ZNF146: variants seen among roughly 807,000 people sequenced by gnomAD.
ZNF146 encodes zinc finger protein 146.
ZNF146 carries 9 observed loss-of-function variants against 22.2 expected under a neutral mutation model. That is an observed-to-expected ratio of 0.41 (90% CI 0.24 to 0.71). The LOEUF (loss-of-function observed/expected upper bound fraction) is 0.71. ZNF146 is among the 30% of genes least tolerant of loss of function. The pLI is 0.34. For synonymous variants in ZNF146, 108 were observed against 119.2 expected (o/e 0.91, Z 0.61); for missense variants, 194 against 344.8 (o/e 0.56, Z 3.46).
At chr19:36,234,183 A>C (rs1042235170) in intron 3 of ZNF146, among the ~76,000 whole-genome samples, 3 of 152,078 alleles carry the variant, frequency 2.0e-5, no homozygotes, top group African/African-American at 7.2e-5. Flanking sequence ...CACATGTTTC[A>C]GTGAGCACAG....
intron 2 of ZNF146, among the ~76,000 whole-genome samples, chr19:36,221,450 G>A (rs987790402): frequency 3.3e-5 from 5 of 151,684 alleles, no homozygotes; most frequent in Non-Finnish European, 5.9e-5. Context: ...CACCACGCCC[G>A]GCTAATTTTT....
intron 2 of ZNF146, among the ~76,000 whole-genome samples, chr19:36,219,947 C>G (rs1461232030): frequency 6.6e-6 from 1 of 151,962 alleles, no homozygotes; most frequent in Non-Finnish European, 1.5e-5. Context: ...CTGGCTTTTT[C>G]TTTCTTAAAC....
chr19:36,226,611 A>G (rs1051567990), intron 2 of ZNF146, among the ~76,000 whole-genome samples: 1 of 152,174 alleles, frequency 6.6e-6, no homozygotes, highest in African/African-American at 2.4e-5. Context: ...AGTTGTGGAC[A>G]TGCTTCCTTT....
intron 3 of ZNF146, among the ~76,000 whole-genome samples, chr19:36,231,891 C>T (rs1449416031): frequency 6.8e-6 from 1 of 147,644 alleles, no homozygotes; most frequent in Non-Finnish European, 1.5e-5. Context: ...CGTGTTGAGA[C>T]CCCGTATCTT....
chr19:36,215,831 A>T (rs1976580069), intron 1 of ZNF146, among the ~76,000 whole-genome samples: 1 of 152,168 alleles, frequency 6.6e-6, no homozygotes, highest in Non-Finnish European at 1.5e-5. Flanking sequence ...GGCGCCCAGG[A>T]TGAGGGAGTC....
chr19:36,227,660 T>A (rs989345166), intron 2 of ZNF146, among the ~76,000 whole-genome samples: 2 of 152,096 alleles, frequency 1.3e-5, no homozygotes, highest in Non-Finnish European at 2.9e-5. Flanking sequence ...GCTCAAGTCA[T>A]CCTCCCACCT....
chr19:36,232,135 G>A (rs1204849785), intron 3 of ZNF146, among the ~76,000 whole-genome samples: 6 of 150,796 alleles, frequency 4.0e-5, no homozygotes, highest in Admixed American at 6.6e-5. Context: ...CCTGGGAGGC[G>A]GAGGTTGCAG....
chr19:36,228,383 G>T (rs1331615106), intron 2 of ZNF146: 1 of 152,318 alleles, frequency 6.6e-6, no homozygotes, highest in South Asian at 2.1e-4. Context: ...TCAGGACCCT[G>T]AGTGGGAGTG....
chr19:36,236,904 C>G lies in ZNF146; in HGVS notation c.464C>G (p.Pro155Arg), dbSNP rs778884972. Residue 155 changes from proline (P) to arginine (R), a missense_variant, in exon 4 of 4, where the codon CCT (proline) becomes CGT (arginine). Pro to Arg is a moderately radical substitution (Grantham distance 103, BLOSUM62 -2). Coordinates refer to ENST00000443387, the MANE Select transcript of ZNF146 (RefSeq NM_007145.3). ...GAGAAAATCCATATTGGAGAGAAGC[C>G]TTTTAAATGTAGTGAATGTGGAACA... ...EHEKIHIGEK[P>R]FKCSECGTAF... 1.2e-6 allele frequency: 2 copies of G among 1,614,090 alleles called. No individual in the cohort carries two copies. The highest frequency in any genetic ancestry group is 3.3e-5 in the Admixed American group (2 of 60,018).
intron 3 of ZNF146, 24 bp from the exon 4 acceptor site, chr19:36,235,635 A>G (rs945695248): frequency 3.9e-5 from 6 of 152,220 alleles, no homozygotes; most frequent in South Asian, 4.1e-4. Flanking sequence ...CCTTTGTGCT[A>G]TGGTTCTTTG....
chr19:36,225,931 T>C (rs2432051), intron 2 of ZNF146, among the ~76,000 whole-genome samples: 56,463 of 151,420 alleles, frequency 0.37, 10,708 homozygotes, highest in South Asian at 0.49. Flanking sequence ...CCCTGCTAAT[T>C]TTTGGATTTG....
At chr19:36,226,977 G>A (rs541995847) in intron 2 of ZNF146, among the ~76,000 whole-genome samples, 32 of 152,238 alleles carry the variant, frequency 2.1e-4, no homozygotes, top group South Asian at 1.7e-3. Context: ...CAGCTGCTCC[G>A]GAGGCTGAGA....
chr19:36,222,153 A>C (rs896444640), intron 2 of ZNF146, among the ~76,000 whole-genome samples: 2 of 152,012 alleles, frequency 1.3e-5, no homozygotes, highest in African/African-American at 4.8e-5. Context: ...CGAACTCCTG[A>C]GCTCAAGCAG....
Position 36,237,160 on chromosome 19 carries a change from T to C in ZNF146, c.720T>C (p.Tyr240=). The change falls in exon 4 of 4, where the codon TAT becomes TAC. Residue 240 remains tyrosine, a synonymous_variant. Coordinates refer to ENST00000443387, the MANE Select transcript of ZNF146 (RefSeq NM_007145.3). Reference sequence around the variant, plus strand: ...GAAGCCATACAGGGGAGAAGCCCTATGGTTGTAATGAATGTGGGAAAGCTT... The same window carrying C: ...GAAGCCATACAGGGGAGAAGCCCTACGGTTGTAATGAATGTGGGAAAGCTT... ...HVRSHTGEKP[Y]GCNECGKAFS... The C allele has an allele frequency of 6.2e-7, 1 of 1,614,186 alleles. No homozygotes were observed. Among genetic ancestry groups the C allele is most frequent in the Non-Finnish European group, 8.5e-7 (1 of 1,180,010 alleles).
chr19:36,237,131 G>A lies in ZNF146; in HGVS notation c.691G>A (p.Val231Met). The change falls in exon 4 of 4, where the codon GTG becomes ATG. Residue 231 changes from valine (V) to methionine (M), a missense_variant. By Grantham distance (21) the Val-to-Met change is conservative (BLOSUM62 1). This residue lies in a region of ZNF146 where 147 missense variants were observed against 300.1 expected (regional missense o/e 0.49). Transcript: ENST00000443387. Reference sequence around the variant, plus strand: ...TCAGAGCTCATCTCTCACTGTGCATGTGAGAAGCCATACAGGGGAGAAGCC... The same window carrying A: ...TCAGAGCTCATCTCTCACTGTGCATATGAGAAGCCATACAGGGGAGAAGCC... ...FSQSSSLTVHVRSHTGEKPYG... is the reference protein window; with the variant it reads ...FSQSSSLTVHMRSHTGEKPYG... The A allele has an allele frequency of 6.2e-7, 1 of 1,614,186 alleles. No homozygotes were observed. The highest frequency in any genetic ancestry group is 8.5e-7 in the Non-Finnish European group (1 of 1,180,022).
In ZNF146 at chr19:36,236,234, T is replaced by C; in HGVS notation, c.-207T>C. Reference sequence around the variant, plus strand: ...ATACTTCATTGAATATTAGAAAATTTTTCTAGAGAGAAAGCATTGAATATA... The same window carrying C: ...ATACTTCATTGAATATTAGAAAATTCTTCTAGAGAGAAAGCATTGAATATA... On this transcript the variant is annotated 5_prime_UTR_variant, in exon 4 of 4. Coordinates refer to ENST00000443387, the MANE Select transcript of ZNF146 (RefSeq NM_007145.3). The C allele has an allele frequency of 1.8e-6, 1 of 549,532 alleles. No individual in the cohort carries two copies. The highest frequency in any genetic ancestry group is 3.8e-5 in the Admixed American group (1 of 26,286). 34.0% of individuals were successfully genotyped at this position (549,532 alleles called of 1,614,324 possible). A position where few individuals can be genotyped will look rare whatever the true frequency, so the allele number is the denominator to read the frequency against.
chr19:36,222,996 T>C (rs1471307911), intron 2 of ZNF146, among the ~76,000 whole-genome samples: 1 of 152,078 alleles, frequency 6.6e-6, no homozygotes, highest in Admixed American at 6.6e-5. Flanking sequence ...ATGTATTTTT[T>C]AGAGGCACAG....
intron 3 of ZNF146, among the ~76,000 whole-genome samples, chr19:36,232,896 T>C (rs947774611): frequency 2.6e-5 from 4 of 152,210 alleles, no homozygotes; most frequent in Admixed American, 6.5e-5. Flanking sequence ...TCAATTATTT[T>C]TTCATATGAA....
intron 3 of ZNF146, among the ~76,000 whole-genome samples, chr19:36,234,643 C>T (rs1977567166): frequency 6.6e-6 from 1 of 152,162 alleles, no homozygotes; most frequent in Admixed American, 6.5e-5. Flanking sequence ...GTGATCCGCC[C>T]ACCTCGGCCT....
Sources: gnomAD v4.1 joint callset for allele counts (sites outside exome capture counted in the v4.1 genomes callset) on GRCh38, gnomAD v4.1.1 for gene constraint, gnomAD v4.1.1 regional missense constraint, MANE v1.5 for transcripts, NCBI Gene and HGNC (gene_info 2026-07-23, HGNC 2026-07-21) for gene names.